Variants in ASIC2 observed in about 807,000 individuals in gnomAD.
The protein encoded by ASIC2 is acid sensing ion channel subunit 2.
A neutral mutation model predicts 57.3 loss-of-function variants in ASIC2; 25 were observed. The ratio of observed to expected loss-of-function variants is 0.44; its 90% confidence interval spans 0.32 to 0.61. ASIC2 has a LOEUF of 0.61. Among genes scored for constraint, ASIC2 ranks in the 20% least tolerant of loss-of-function variants. ASIC2 has a pLI of 0.06. For synonymous variants in ASIC2, 319 were observed against 307.5 expected, an observed-to-expected ratio of 1.04 and a Z score of -0.39; for missense variants, 641 against 738.1, an observed-to-expected ratio of 0.87 and a Z score of 1.52.
intron 1 of ASIC2, among the ~76,000 whole-genome samples, chr17:34,093,199 A>C (rs1240880010): frequency 1.3e-5 from 2 of 152,266 alleles, no homozygotes; most frequent in Admixed American, 1.3e-4. Context: ...ATATGAGGAG[A>C]TAATGCCTTT....
At chr17:33,076,601 C>T (rs2092089939) in intron 3 of ASIC2, among the ~76,000 whole-genome samples, 1 of 152,306 alleles carries the variant, frequency 6.6e-6, no homozygotes, top group South Asian at 2.1e-4. Context: ...TTTCTGTGTG[C>T]TGATATGCAT....
At chr17:33,730,957 C>T (rs1455464656) in intron 1 of ASIC2, among the ~76,000 whole-genome samples, 7 of 152,172 alleles carry the variant, frequency 4.6e-5, no homozygotes, top group Admixed American at 4.6e-4. Flanking sequence ...GGGCAGGTTC[C>T]TGGATCTTGG....
chr17:34,065,388 A>C (rs780472521), intron 1 of ASIC2, among the ~76,000 whole-genome samples: 38 of 152,180 alleles, frequency 2.5e-4, no homozygotes, highest in Non-Finnish European at 4.6e-4. Flanking sequence ...GGGATAAAAG[A>C]CTACAAATAT....
chr17:33,193,564 C>T (rs2142070654), intron 1 of ASIC2, among the ~76,000 whole-genome samples: 1 of 152,332 alleles, frequency 6.6e-6, no homozygotes, highest in East Asian at 1.9e-4. Flanking sequence ...CTGGAAGTAC[C>T]TGGGAATTTA....
At position 33,013,986 on chromosome 17, in the gene ASIC2, G is replaced by A. The variant is rs764345769; in HGVS notation, c.1671C>T (p.Thr557=). The part of the protein sequence containing the change: ...VNVPLQTTLG[T]LEEIAC ...GGTGTCAGCAGGCAATCTCCTCCAAGGTCCCCAGGGTCGTCTGCAGGGGCA... is the reference window on the plus strand; with the variant it reads ...GGTGTCAGCAGGCAATCTCCTCCAAAGTCCCCAGGGTCGTCTGCAGGGGCA... The change falls in exon 10 of 10, where the codon ACC becomes ACT. Residue 557 remains threonine, a synonymous_variant. Coordinates refer to ENST00000225823, the MANE Select transcript of ASIC2 (RefSeq NM_183377.2). 1.3e-6 allele frequency: 2 copies of A among 1,598,470 alleles called. No homozygotes were observed. Among genetic ancestry groups the A allele is most frequent in the Admixed American group, 3.4e-5 (2 of 58,250 alleles).
chr17:33,616,374 T>C (rs1905603522), intron 1 of ASIC2, among the ~76,000 whole-genome samples: 1 of 152,198 alleles, frequency 6.6e-6, no homozygotes, highest in South Asian at 2.1e-4. Context: ...TCCCAGTGTA[T>C]ACGATATATG....
At chr17:34,034,648 A>T (rs912192651) in intron 1 of ASIC2, among the ~76,000 whole-genome samples, 12 of 152,254 alleles carry the variant, frequency 7.9e-5, no homozygotes, top group African/African-American at 2.4e-4. Context: ...CAGGCTGATA[A>T]GCAACTTCAG....
At chr17:33,551,570 T>G (rs892598) in intron 1 of ASIC2, among the ~76,000 whole-genome samples, 69,695 of 152,032 alleles carry the variant, frequency 0.46, 16,138 homozygotes, top group South Asian at 0.53. Flanking sequence ...CCCAATCAGA[T>G]GCCCATAGCT....
At chr17:33,462,095 G>A (rs1050113728) in intron 1 of ASIC2, among the ~76,000 whole-genome samples, 4 of 152,164 alleles carry the variant, frequency 2.6e-5, no homozygotes, top group Non-Finnish European at 5.9e-5. Context: ...TAATCACAGG[G>A]TGTCACAGAA....
chr17:34,093,305 T>C (rs757814841), intron 1 of ASIC2, among the ~76,000 whole-genome samples: 12 of 152,172 alleles, frequency 7.9e-5, no homozygotes, highest in Non-Finnish European at 1.6e-4. Context: ...TAGACTCCTG[T>C]GGTCTAAGCA....
chr17:33,198,900 G>A (rs1357498068), intron 1 of ASIC2, among the ~76,000 whole-genome samples: 3 of 152,174 alleles, frequency 2.0e-5, no homozygotes, highest in Non-Finnish European at 2.9e-5. Flanking sequence ...GTCATTAACC[G>A]TCCTGCTTGG....
intron 1 of ASIC2, among the ~76,000 whole-genome samples, chr17:33,638,836 CCCTCAACCA>C (rs1219748481): frequency 2.6e-5 from 4 of 152,100 alleles, no homozygotes; most frequent in African/African-American, 9.6e-5. Context: ...CCCTGGGCTG[CCCTCAACCA>C]AGGATGGATG....
chr17:33,926,140 C>T (rs1002189653), intron 1 of ASIC2, among the ~76,000 whole-genome samples: 1 of 152,100 alleles, frequency 6.6e-6, no homozygotes, highest in Non-Finnish European at 1.5e-5. Flanking sequence ...TTTGTGTCCT[C>T]TTTACAGAAG....
chr17:33,919,720 C>A (rs1477682201), intron 1 of ASIC2, among the ~76,000 whole-genome samples: 2 of 152,120 alleles, frequency 1.3e-5, no homozygotes, highest in Admixed American at 1.3e-4. Flanking sequence ...AAACTATAAA[C>A]CGAGTAAATA....
intron 1 of ASIC2, among the ~76,000 whole-genome samples, chr17:33,674,542 T>A (rs1907750283): frequency 6.6e-6 from 1 of 152,224 alleles, no homozygotes; most frequent in Non-Finnish European, 1.5e-5. Context: ...TGGCTAAATA[T>A]TTTTTATGTG....
chr17:34,134,839 C>G (rs114289135), intron 1 of ASIC2, among the ~76,000 whole-genome samples: 62 of 152,346 alleles, frequency 4.1e-4, no homozygotes, highest in African/African-American at 1.4e-3. Flanking sequence ...GCACTCCTTA[C>G]TCTGAATCCT....
chr17:34,138,674 A>C (rs1912189322), intron 1 of ASIC2, among the ~76,000 whole-genome samples: 1 of 152,222 alleles, frequency 6.6e-6, no homozygotes, highest in Non-Finnish European at 1.5e-5. Context: ...ACATCTGAGC[A>C]ATAAAGAGTC....
chr17:33,852,050 G>C (rs543001514), intron 1 of ASIC2, among the ~76,000 whole-genome samples: 1 of 152,332 alleles, frequency 6.6e-6, no homozygotes, highest in Non-Finnish European at 1.5e-5. Context: ...GGCCTGCGCT[G>C]CTTCACTTGG....
chr17:33,980,942 A>ATTTTTTTTTTTTTTTTT (rs34633102), intron 1 of ASIC2: 8 of 130,594 alleles, frequency 6.1e-5, no homozygotes, highest in East Asian at 5.2e-4. Context: ...CTCAAGTGTA[A>ATTTTTTTTTTTTTTTTT]TTTTTTTTTT....
Sources: gnomAD v4.1 joint callset for allele counts (sites outside exome capture counted in the v4.1 genomes callset) on GRCh38, gnomAD v4.1.1 for gene constraint, MANE v1.5 for transcripts, NCBI Gene and HGNC (gene_info 2026-07-23, HGNC 2026-07-21) for gene names.